The following ADAMTS19 variants were observed in gnomAD, a reference collection of about 807,000 sequenced individuals.
The protein encoded by ADAMTS19 is ADAM metallopeptidase with thrombospondin type 1 motif 19, also known as A disintegrin and metalloproteinase with thrombospondin motifs 19.
A neutral mutation model predicts 153.3 loss-of-function variants in ADAMTS19; 93 were observed. The ratio of observed to expected loss-of-function variants is 0.61; its 90% CI spans 0.51 to 0.72. The LOEUF (loss-of-function observed/expected upper bound fraction) is 0.72, where lower values mean the gene tolerates loss of function less well. Among genes scored for constraint, ADAMTS19 ranks in the 30% least tolerant of loss-of-function variants. The pLI is 0.00. For synonymous variants in ADAMTS19, 600 were observed against 556.6 expected (o/e 1.08, Z -1.10); for missense variants, 1,482 against 1,552.1 (o/e 0.95, Z 0.76).
chr5:129,562,195 A>G (rs1753548694), intron 7 of ADAMTS19, among the ~76,000 whole-genome samples: 1 of 152,230 alleles, frequency 6.6e-6, no homozygotes, highest in South Asian at 2.1e-4. Flanking sequence ...CAGTACTTTT[A>G]ACTGAGACAT....
Position 129,614,372 on chromosome 5 carries a change from T to G in ADAMTS19, c.1479-6246T>G, listed in dbSNP as rs575010786. ...GGGCTTCATCCCTGGGATGCAAGGC[T>G]GGTTCAACATACGAAAATCAATAAA... On this transcript the variant is annotated intron_variant, in intron 8 of 22. Coordinates refer to ENST00000274487, the MANE Select transcript of ADAMTS19 (RefSeq NM_133638.6). Among the ~76,000 whole-genome samples, 82 of 152,282 alleles carry G rather than the reference T, an allele frequency of 5.4e-4. 1 individual carries two copies. In the South Asian group the frequency reaches 6.8e-3, roughly 13 times the overall value.
intron 13 of ADAMTS19, among the ~76,000 whole-genome samples, 171 bp downstream of exon 13, chr5:129,649,141 T>C (rs1356711217): frequency 6.6e-6 from 1 of 152,192 alleles, no homozygotes; most frequent in Non-Finnish European, 1.5e-5. Context: ...AAATATATTT[T>C]AAAAATATGA....
intron 10 of ADAMTS19, among the ~76,000 whole-genome samples, chr5:129,640,444 A>T (rs994408026): frequency 6.6e-6 from 1 of 152,204 alleles, no homozygotes; most frequent in African/African-American, 2.4e-5. Context: ...AATATATCTA[A>T]TAGATTTGGG....
chr5:129,512,395 A>G (rs1751468076), intron 3 of ADAMTS19, among the ~76,000 whole-genome samples: 1 of 152,086 alleles, frequency 6.6e-6, no homozygotes, highest in African/African-American at 2.4e-5. Flanking sequence ...CTGGAAGTGT[A>G]CGGTATCAAC....
intron 18 of ADAMTS19, among the ~76,000 whole-genome samples, chr5:129,686,766 C>T (rs1390871090): frequency 6.6e-6 from 1 of 152,068 alleles, no homozygotes; most frequent in Non-Finnish European, 1.5e-5. Flanking sequence ...ACATCAGGGG[C>T]AGAGGAATGG....
chr5:129,620,927 T>C (rs1333363227), intron 9 of ADAMTS19, among the ~76,000 whole-genome samples, 169 bp downstream of exon 9: 2 of 152,158 alleles, frequency 1.3e-5, no homozygotes, highest in African/African-American at 4.8e-5. Context: ...TTGGGACATG[T>C]TATTTAACCC....
intron 17 of ADAMTS19, among the ~76,000 whole-genome samples, chr5:129,682,767 G>A (rs976416580): frequency 1.3e-5 from 2 of 151,978 alleles, no homozygotes; most frequent in African/African-American, 2.4e-5. Flanking sequence ...TATGTGTTAC[G>A]CATTTGTGAA....
At chr5:129,499,156 A>C (rs1046571642) in intron 2 of ADAMTS19, among the ~76,000 whole-genome samples, 18 of 152,064 alleles carry the variant, frequency 1.2e-4, no homozygotes, top group African/African-American at 4.1e-4. Flanking sequence ...TATTTAAAGA[A>C]TTCATAGATA....
intron 7 of ADAMTS19, among the ~76,000 whole-genome samples, chr5:129,565,203 T>A (rs902873833): frequency 1.3e-5 from 2 of 152,214 alleles, no homozygotes; most frequent in African/African-American, 4.8e-5. Flanking sequence ...TTAATAGGAA[T>A]AAACCTATGA....
At chr5:129,481,250 A>T (rs111885101) in intron 2 of ADAMTS19, among the ~76,000 whole-genome samples, 3,373 of 152,240 alleles carry the variant, frequency 0.022, 139 homozygotes, top group African/African-American at 0.076. Flanking sequence ...GGAGAGAGAG[A>T]CAGAGAGTGC....
At chr5:129,596,532 A>G (rs777929953) in intron 7 of ADAMTS19, 27 bp from the exon 8 acceptor site, 6 of 1,419,228 alleles carry the variant, frequency 4.2e-6, no homozygotes, top group South Asian at 1.2e-5. Context: ...ATTCAGACAT[A>G]TAATAATTAA....
At chr5:129,527,685 C>A in intron 4 of ADAMTS19, 63 bp from the exon 5 acceptor site, 1 of 877,018 alleles carries the variant, frequency 1.1e-6, no homozygotes, top group Non-Finnish European at 1.8e-6. Context: ...ATGTATGGGC[C>A]TTGAGAAAAA....
chr5:129,597,233 A>G (rs1462965691), intron 8 of ADAMTS19, among the ~76,000 whole-genome samples: 4 of 152,200 alleles, frequency 2.6e-5, no homozygotes, highest in Non-Finnish European at 1.5e-5. Flanking sequence ...TCTAATTTTC[A>G]TTTCACTGAA....
At chr5:129,728,159 A>G (rs1757284308) in intron 21 of ADAMTS19, among the ~76,000 whole-genome samples, 1 of 152,168 alleles carries the variant, frequency 6.6e-6, no homozygotes, top group Non-Finnish European at 1.5e-5. Flanking sequence ...TACAAATGCC[A>G]TGGCAACATC....
At chr5:129,587,475 T>G (rs1749873580) in intron 7 of ADAMTS19, among the ~76,000 whole-genome samples, 1 of 152,178 alleles carries the variant, frequency 6.6e-6, no homozygotes, top group African/African-American at 2.4e-5. Context: ...TAGAAATCTC[T>G]GCAGCAATGG....
intron 3 of ADAMTS19, among the ~76,000 whole-genome samples, chr5:129,521,611 C>G (rs1751802678): frequency 6.6e-6 from 1 of 152,126 alleles, no homozygotes; most frequent in Non-Finnish European, 1.5e-5. Context: ...GAAATGTTAT[C>G]TTCCAATGTC....
rs193034769 is a variant in ADAMTS19, at chr5:129,479,042, T to C, written c.747+17285T>C. On this transcript the variant is annotated intron_variant, in intron 2 of 22. Coordinates refer to ENST00000274487, the MANE Select transcript of ADAMTS19 (RefSeq NM_133638.6). ...CAGAAACCCACTAAGGTACGTGTAG[T>C]CACTCAGTTTTATAGATAAGGATGC... Among the ~76,000 whole-genome samples, 552 of 152,288 alleles carry C rather than the reference T, an allele frequency of 3.6e-3. 1 individual carries two copies. Among genetic ancestry groups the C allele is most frequent in the Non-Finnish European group, 5.4e-3 (365 of 68,020 alleles).
At chr5:129,606,448 C>T (rs1750898812) in intron 8 of ADAMTS19, among the ~76,000 whole-genome samples, 1 of 152,192 alleles carries the variant, frequency 6.6e-6, no homozygotes, top group African/African-American at 2.4e-5. Context: ...AGAAAGCTAT[C>T]TCAACTGTCT....
chr5:129,471,357 C>A (rs1464583887), intron 2 of ADAMTS19, among the ~76,000 whole-genome samples: 2 of 149,670 alleles, frequency 1.3e-5, no homozygotes, highest in Non-Finnish European at 3.0e-5. Flanking sequence ...CAGAGTGAGA[C>A]CCTGTCTCAA....
Sources: allele counts gnomAD v4.1 joint callset (sites outside exome capture counted in the v4.1 genomes callset), GRCh38; gene constraint gnomAD v4.1.1; transcripts MANE v1.5; gene names NCBI Gene and HGNC (gene_info 2026-07-23, HGNC 2026-07-21).